PRKCH: variants seen among roughly 807,000 people sequenced by gnomAD.
PRKCH encodes protein kinase C eta type.
PRKCH carries 28 observed loss-of-function variants against 82.5 expected under a neutral mutation model. The observed-to-expected ratio is 0.34, with a 90% CI of 0.25 to 0.47. The LOEUF is 0.47. Among genes scored for constraint, PRKCH ranks in the 20% least tolerant of loss-of-function variants. The pLI, the probability that PRKCH is intolerant of heterozygous loss-of-function variation, is 1.00. For missense variants in PRKCH, 705 were observed against 881.8 expected, an observed-to-expected ratio of 0.80 and a Z score of 2.54; for synonymous variants, 322 against 327.4, an observed-to-expected ratio of 0.98 and a Z score of 0.18.
chr14:61,307,387 A>G (rs2045491944), intron 1 of PRKCH, among the ~76,000 whole-genome samples: 1 of 152,258 alleles, frequency 6.6e-6, no homozygotes, highest in South Asian at 2.1e-4. Context: ...CATAATTTAT[A>G]TGTTTTACTT....
intron 12 of PRKCH, among the ~76,000 whole-genome samples, chr14:61,536,944 T>G (rs1477902787): frequency 6.6e-6 from 1 of 152,180 alleles, no homozygotes; most frequent in Non-Finnish European, 1.5e-5. Context: ...ACGTGGGTAG[T>G]GGACAAAGGA....
intron 1 of PRKCH, among the ~76,000 whole-genome samples, chr14:61,232,431 G>T (rs1312406630): frequency 6.6e-6 from 1 of 152,172 alleles, no homozygotes; most frequent in Non-Finnish European, 1.5e-5. Flanking sequence ...ACATTGTCCA[G>T]GCTGGTCTCA....
intron 1 of PRKCH, among the ~76,000 whole-genome samples, chr14:61,373,678 G>A (rs1348365015): frequency 1.3e-5 from 2 of 152,082 alleles, no homozygotes; most frequent in Non-Finnish European, 2.9e-5. Flanking sequence ...TTGGCTCACT[G>A]AAACCTCTGC....
chr14:61,382,802 A>G (rs1299037883), intron 1 of PRKCH, among the ~76,000 whole-genome samples: 1 of 152,182 alleles, frequency 6.6e-6, no homozygotes, highest in Non-Finnish European at 1.5e-5. Flanking sequence ...TCCAGGCTGA[A>G]ATGAATGTTA....
At chr14:61,487,524 G>A (rs1332336985) in intron 10 of PRKCH, among the ~76,000 whole-genome samples, 1 of 152,174 alleles carries the variant, frequency 6.6e-6, no homozygotes, top group East Asian at 1.9e-4. Context: ...TCAGACTCCA[G>A]GCAGTAAATT....
At chr14:61,194,976 C>A (rs191964010) in intron 1 of PRKCH, among the ~76,000 whole-genome samples, 1 of 152,168 alleles carries the variant, frequency 6.6e-6, no homozygotes, top group Non-Finnish European at 1.5e-5. Flanking sequence ...TCAGGTGATC[C>A]GCCTGCCTTT....
chr14:61,460,587 C>T (rs1331124853), intron 9 of PRKCH, among the ~76,000 whole-genome samples: 1 of 152,166 alleles, frequency 6.6e-6, no homozygotes, highest in African/African-American at 2.4e-5. Context: ...GTTATTATCA[C>T]CCCATTTCAC....
At chr14:61,400,848 C>T (rs1009879593) in intron 2 of PRKCH, among the ~76,000 whole-genome samples, 6 of 152,148 alleles carry the variant, frequency 3.9e-5, no homozygotes, top group African/African-American at 1.4e-4. Flanking sequence ...GACTCAGAGA[C>T]GCTAATTTAC....
chr14:61,237,325 T>C (rs55744317), intron 1 of PRKCH, among the ~76,000 whole-genome samples: 57,203 of 151,578 alleles, frequency 0.38, 11,262 homozygotes, highest in African/African-American at 0.5. Flanking sequence ...TAAAAGAAAT[T>C]GAAGTATTTT....
chr14:61,344,032 GATATCAGT>G (rs2045961084), intron 1 of PRKCH, among the ~76,000 whole-genome samples: 1 of 152,162 alleles, frequency 6.6e-6, no homozygotes, highest in Non-Finnish European at 1.5e-5. Context: ...ATACTGAAAT[GATATCAGT>G]ATATCATCAG....
At chr14:61,373,360 A>G (rs1249969929) in intron 1 of PRKCH, among the ~76,000 whole-genome samples, 13 of 151,818 alleles carry the variant, frequency 8.6e-5, no homozygotes, top group Non-Finnish European at 7.4e-5. Flanking sequence ...TAAAGGGGAA[A>G]GTGCCACACA....
intron 1 of PRKCH, among the ~76,000 whole-genome samples, chr14:61,291,505 T>C (rs1475632155): frequency 6.6e-6 from 1 of 152,058 alleles, no homozygotes; most frequent in Non-Finnish European, 1.5e-5. Context: ...AATTTTTGTA[T>C]TTTTAGTAGA....
intron 1 of PRKCH, among the ~76,000 whole-genome samples, chr14:61,227,692 G>A (rs1346318797): frequency 6.6e-6 from 1 of 152,038 alleles, no homozygotes; most frequent in African/African-American, 2.4e-5. Context: ...CATATATTAG[G>A]TTGGTGCAAA....
At chr14:61,270,625 C>T (rs2045143114) in intron 1 of PRKCH, among the ~76,000 whole-genome samples, 1 of 152,134 alleles carries the variant, frequency 6.6e-6, no homozygotes, top group South Asian at 2.1e-4. Context: ...ATTATTCTAA[C>T]CTTGTGCATT....
intron 1 of PRKCH, chr14:61,278,389 A>G (rs953010327): frequency 1.3e-5 from 2 of 152,250 alleles, no homozygotes; most frequent in African/African-American, 4.8e-5. Context: ...ATAATGGGAT[A>G]GAATCTCTCG....
chr14:61,518,856 A>G (rs940648342), intron 10 of PRKCH, among the ~76,000 whole-genome samples: 3 of 151,802 alleles, frequency 2.0e-5, no homozygotes, highest in Non-Finnish European at 4.4e-5. Flanking sequence ...TCTGTTGCCC[A>G]TGCTGGAGTG....
intron 10 of PRKCH, among the ~76,000 whole-genome samples, chr14:61,512,750 A>G (rs1887432179): frequency 2.6e-5 from 4 of 152,168 alleles, no homozygotes; most frequent in Non-Finnish European, 5.9e-5. Flanking sequence ...TTTAATCACC[A>G]GCCACACACA....
intron 1 of PRKCH, among the ~76,000 whole-genome samples, chr14:61,301,525 A>C (rs2045447202): frequency 1.3e-5 from 2 of 152,218 alleles, no homozygotes; most frequent in Admixed American, 1.3e-4. Flanking sequence ...TATATGCTCA[A>C]GGTAACGTGT....
At chr14:61,342,409 C>T (rs1008762447) in intron 1 of PRKCH, among the ~76,000 whole-genome samples, 1 of 152,084 alleles carries the variant, frequency 6.6e-6, no homozygotes, top group Non-Finnish European at 1.5e-5. Context: ...TTTGAAAAAT[C>T]CTAGAATATG....
Sources: gnomAD v4.1 joint callset for allele counts (sites outside exome capture counted in the v4.1 genomes callset) on GRCh38, gnomAD v4.1.1 for gene constraint, MANE v1.5 for transcripts, NCBI Gene and HGNC (gene_info 2026-07-23, HGNC 2026-07-21) for gene names.